Variants in RLF observed in about 807,000 individuals in gnomAD.
RLF encodes the protein zinc finger protein Rlf.
RLF carries 7 observed loss-of-function variants against 162.9 expected under a neutral mutation model. That is an observed-to-expected ratio of 0.04 (90% confidence interval 0.02 to 0.08). The LOEUF (loss-of-function observed/expected upper bound fraction) is 0.08, where lower values mean the gene tolerates loss of function less well. Ranked by LOEUF, RLF falls within the 10% of genes least tolerant of loss-of-function variation. RLF has a pLI of 1.00. For synonymous variants in RLF, 782 were observed against 791.5 expected, an observed-to-expected ratio of 0.99 and a Z score of 0.20; for missense variants, 1,664 against 2,244.7, an observed-to-expected ratio of 0.74 and a Z score of 5.23.
intron 1 of RLF, among the ~76,000 whole-genome samples, chr1:40,167,761 T>C (rs1570510532): frequency 6.6e-6 from 1 of 150,898 alleles, no homozygotes; most frequent in South Asian, 2.1e-4. Flanking sequence ...AACTGGGATG[T>C]AAGTGCCATG....
chr1:40,221,986 TG>T (rs1346184668), intron 5 of RLF, among the ~76,000 whole-genome samples: 1 of 152,018 alleles, frequency 6.6e-6, no homozygotes, highest in Non-Finnish European at 1.5e-5. Flanking sequence ...GTTTTTTGTT[TG>T]TTTTTTTAAG....
intron 7 of RLF, among the ~76,000 whole-genome samples, chr1:40,232,532 C>T (rs949779857): frequency 2.6e-5 from 4 of 152,098 alleles, no homozygotes; most frequent in Non-Finnish European, 4.4e-5. Context: ...TTATTCTTAT[C>T]GACAGGTTTC....
chr1:40,195,095 A>T (rs2124538243), intron 3 of RLF, among the ~76,000 whole-genome samples: 1 of 150,838 alleles, frequency 6.6e-6, no homozygotes, highest in South Asian at 2.1e-4. Context: ...TCAGCCTCCC[A>T]AAGTGCTGAG....
At chr1:40,187,183 C>T (rs892929592) in intron 1 of RLF, among the ~76,000 whole-genome samples, 1 of 150,786 alleles carries the variant, frequency 6.6e-6, no homozygotes, top group Non-Finnish European at 1.5e-5. Context: ...AAGCGCGCGC[C>T]ACCACGCCCA....
At chr1:40,196,098 CGTT>C (rs1642632157) in intron 4 of RLF, among the ~76,000 whole-genome samples, 1 of 151,050 alleles carries the variant, frequency 6.6e-6, no homozygotes, top group Non-Finnish European at 1.5e-5. Context: ...TTTCCCGAGA[CGTT>C]GTCTCGCTCT....
intron 5 of RLF, among the ~76,000 whole-genome samples, chr1:40,219,147 A>G (rs1266675423): frequency 2.0e-5 from 3 of 152,248 alleles, no homozygotes; most frequent in Admixed American, 1.3e-4. Flanking sequence ...GACAAGTAGT[A>G]TAACCATATT....
chr1:40,180,280 A>G (rs1642388617), intron 1 of RLF, among the ~76,000 whole-genome samples: 1 of 151,916 alleles, frequency 6.6e-6, no homozygotes, highest in South Asian at 2.1e-4. Context: ...TTTTTTTGAG[A>G]CAGGGTCTTG....
intron 1 of RLF, among the ~76,000 whole-genome samples, chr1:40,177,624 T>C (rs1219429893): frequency 6.6e-6 from 1 of 152,170 alleles, no homozygotes; most frequent in Admixed American, 6.5e-5. Context: ...AAATTCTTAA[T>C]ATTGATAAAT....
rs1643283143 is a variant in RLF at position 40,240,849 on chromosome 1, G to A, written c.*402G>A. On this transcript the variant is annotated 3_prime_UTR_variant, in exon 8 of 8. Transcript: ENST00000372771. Reference sequence around the variant, plus strand: ...TTGAATGTGCACCTGAGGGTGCTTTGTGTAATATATTGTACACTACAGCAT... The same window carrying A: ...TTGAATGTGCACCTGAGGGTGCTTTATGTAATATATTGTACACTACAGCAT... 5.5e-6 allele frequency: 1 copy of A among 183,070 alleles called. No individual in the cohort carries two copies. The highest frequency in any genetic ancestry group is 1.2e-5 in the Non-Finnish European group (1 of 86,862). The allele number at this position is 183,070 out of a possible 1,614,324, so 11.3% of individuals were successfully genotyped here. A position where few individuals can be genotyped will look rare whatever the true frequency, so the allele number is the denominator to read the frequency against.
At chr1:40,229,448 C>CTTTTTTTTTTTTTT (rs1005418216) in intron 6 of RLF, among the ~76,000 whole-genome samples, 15 of 90,980 alleles carry the variant, frequency 1.6e-4, no homozygotes, top group South Asian at 3.7e-4. Flanking sequence ...ATTCATTTAT[C>CTTTTTTTTTTTTTT]TTTTTTTTTT....
chr1:40,208,943 C>G (rs1258630753), intron 5 of RLF, among the ~76,000 whole-genome samples: 2 of 152,226 alleles, frequency 1.3e-5, no homozygotes, highest in Non-Finnish European at 2.9e-5. Context: ...TGATCTGCCT[C>G]TGCTTTGCTT....
At chr1:40,170,477 T>C (rs1406148201) in intron 1 of RLF, among the ~76,000 whole-genome samples, 2 of 152,044 alleles carry the variant, frequency 1.3e-5, no homozygotes, top group African/African-American at 4.8e-5. Context: ...TCCAAGCTGG[T>C]TTCAAACTGC....
chr1:40,187,658 A>G (rs1196753202), intron 1 of RLF, among the ~76,000 whole-genome samples: 1 of 152,136 alleles, frequency 6.6e-6, no homozygotes, highest in Non-Finnish European at 1.5e-5. Flanking sequence ...GGGAACTTTT[A>G]CTGTATATGG....
At position 40,161,598 on chromosome 1, in the gene RLF, G is replaced by C; in HGVS notation, c.199G>C (p.Glu67Gln). The C allele has an allele frequency of 6.2e-7, 1 of 1,613,296 alleles. No individual in the cohort carries two copies. The highest frequency in any genetic ancestry group is 1.1e-5 in the South Asian group (1 of 90,958). ...ETELREQEVS[E>Q]VSSLNYCRSF... ...AGAGCTGAGGGAGCAAGAGGTGTCGGAGGTCTCATCTTTGAACTACTGCCG... is the reference window on the plus strand; with the variant it reads ...AGAGCTGAGGGAGCAAGAGGTGTCGCAGGTCTCATCTTTGAACTACTGCCG... Residue 67 changes from glutamate to glutamine, a missense_variant, in exon 1 of 8, where the codon GAG becomes CAG. By Grantham distance (29) the Glu-to-Gln change is conservative (BLOSUM62 2). Transcript: ENST00000372771. This position sits in a 1 kb window ranked among gnomAD's most constrained non-coding sequence, Gnocchi z 4.4.
intron 1 of RLF, among the ~76,000 whole-genome samples, chr1:40,184,252 T>C (rs1022616896): frequency 5.3e-5 from 8 of 152,234 alleles, no homozygotes; most frequent in Non-Finnish European, 1.0e-4. Flanking sequence ...CCCTTGGACA[T>C]TAATTTTTTC....
rs1160069178 is a variant in RLF, at chr1:40,239,119, TATG to T, written c.4423_4425del (p.Asp1475del). 1.2e-6 allele frequency: 2 copies of T among 1,614,096 alleles called. No homozygotes were observed. Among genetic ancestry groups the T allele is most frequent in the Non-Finnish European group, 1.7e-6 (2 of 1,180,014 alleles). ...TGTATATTACCGACATAAAGACTAT[TATG>T]ATGATTTGTTTAGAAGCCAGAAAGT... On this transcript the variant is annotated inframe_deletion, in exon 8 of 8. Coordinates refer to ENST00000372771, the MANE Select transcript of RLF (RefSeq NM_012421.4).
intron 5 of RLF, among the ~76,000 whole-genome samples, chr1:40,210,900 A>C (rs1224460593): frequency 6.6e-6 from 1 of 152,246 alleles, no homozygotes; most frequent in Admixed American, 6.5e-5. Context: ...TTTATTAATA[A>C]CAATGTTTGG....
chr1:40,178,947 G>T (rs890834716), intron 1 of RLF, among the ~76,000 whole-genome samples: 6 of 152,128 alleles, frequency 3.9e-5, no homozygotes, highest in African/African-American at 1.4e-4. Flanking sequence ...TGATTCTCCT[G>T]CCTCAGCTTC....
At position 40,192,306 on chromosome 1, in the gene RLF, TA is replaced by T. The variant is rs539978953; in HGVS notation, c.474+1454del. On this transcript the variant is annotated intron_variant, in intron 3 of 7. Transcript: ENST00000372771. Reference sequence around the variant, plus strand: ...AAATCCTAATTAGGACTATTACTACTATATTAATACTGTTTGAGTATCCCAT... The same window carrying T: ...AAATCCTAATTAGGACTATTACTACTTATTAATACTGTTTGAGTATCCCAT... 9.2e-5 allele frequency among the ~76,000 whole-genome samples: 14 copies of T among 152,308 alleles called. No individual in the cohort carries two copies. The East Asian group carries it at 2.7e-3, about 29-fold the overall frequency.
Sources: allele counts gnomAD v4.1 joint callset (sites outside exome capture counted in the v4.1 genomes callset), GRCh38; gene constraint gnomAD v4.1.1; non-coding constraint Gnocchi (gnomAD v3.1); transcripts MANE v1.5; gene names NCBI Gene and HGNC (gene_info 2026-07-23, HGNC 2026-07-21).